The following ZNF655 variants were observed in gnomAD, a reference collection of about 807,000 sequenced individuals.
The protein encoded by ZNF655 is Vav-interacting Kruppel-like protein 1.
Under a neutral mutation model 6.6 loss-of-function variants are expected in ZNF655, and 3 were observed. The observed-to-expected ratio is 0.46, with a 90% CI of 0.21 to 1.18. The LOEUF is 1.18. Among genes scored for constraint, ZNF655 ranks in the 50% most tolerant of loss-of-function variants. ZNF655 has a pLI of 0.24. For synonymous variants in ZNF655, 178 were observed against 195.0 expected (o/e 0.91, Z 0.73); for missense variants, 526 against 572.3 (o/e 0.92, Z 0.83).
At chr7:99,562,209 G>C (rs1803241545) in intron 2 of ZNF655, 2 of 907,324 alleles carry the variant, frequency 2.2e-6, no homozygotes, top group African/African-American at 3.4e-5. Flanking sequence ...GTGCTTATTA[G>C]ATGTTTAAGG....
intron 2 of ZNF655, chr7:99,571,407 C>T (rs1804059818): frequency 8.1e-7 from 1 of 1,229,056 alleles, no homozygotes; most frequent in Non-Finnish European, 1.0e-6. Flanking sequence ...ATAATGATAA[C>T]TTCTGTGAAG....
chr7:99,567,209 G>A (rs1481117850), intron 2 of ZNF655, among the ~76,000 whole-genome samples: 2 of 152,130 alleles, frequency 1.3e-5, no homozygotes, highest in African/African-American at 4.8e-5. Context: ...AATTTTAAAC[G>A]GAAAAAATGT....
At chr7:99,562,841 C>A (rs1803310859) in intron 2 of ZNF655, among the ~76,000 whole-genome samples, 1 of 152,152 alleles carries the variant, frequency 6.6e-6, no homozygotes, top group African/African-American at 2.4e-5. Flanking sequence ...GGCCTCCCAA[C>A]CTCCAACCAG....
intron 1 of ZNF655, among the ~76,000 whole-genome samples, chr7:99,560,284 A>G (rs1584238813): frequency 1.3e-5 from 2 of 151,850 alleles, no homozygotes; most frequent in African/African-American, 4.8e-5. Flanking sequence ...AAGTTGCACC[A>G]TGTTGATCAG....
intron 2 of ZNF655, chr7:99,564,465 C>G (rs1174554409): frequency 1.0e-6 from 1 of 1,000,122 alleles, no homozygotes. Context: ...AAGGTCCTAC[C>G]TTCCTACCCT....
At chr7:99,565,073 A>G (rs1803519088) in intron 2 of ZNF655, among the ~76,000 whole-genome samples, 1 of 152,210 alleles carries the variant, frequency 6.6e-6, no homozygotes, top group Non-Finnish European at 1.5e-5. Flanking sequence ...CCGCTGCTCA[A>G]GGTCATCGCC....
chr7:99,567,792 T>C (rs1054254122), intron 2 of ZNF655, among the ~76,000 whole-genome samples: 1 of 152,182 alleles, frequency 6.6e-6, no homozygotes, highest in South Asian at 2.1e-4. Flanking sequence ...TCGGGTGCGG[T>C]GGCTCACGCC....
Position 99,575,958 on chromosome 7 carries a change from T to C in ZNF655, c.*2374T>C, listed in dbSNP as rs1233871770. ...CTTTAGGTAATGTCAAAACATTTTG[T>C]ATTTTTCCATCTTAAGCTTTATAAC... On this transcript the variant is annotated 3_prime_UTR_variant, in exon 3 of 3. Coordinates refer to ENST00000252713, the MANE Select transcript of ZNF655 (RefSeq NM_138494.3). 3 of 152,256 alleles carry C rather than the reference T, an allele frequency of 2.0e-5. No homozygotes were observed. Among genetic ancestry groups the C allele is most frequent in the East Asian group, 1.9e-4 (1 of 5,206 alleles). 9.4% of individuals were successfully genotyped at this position (152,256 alleles called of 1,614,324 possible).
intron 2 of ZNF655, among the ~76,000 whole-genome samples, chr7:99,564,872 C>G (rs375832154): frequency 6.6e-6 from 1 of 152,292 alleles, no homozygotes; most frequent in Non-Finnish European, 1.5e-5. Flanking sequence ...GAGACACGCA[C>G]AGTGCAAGAA....
Position 99,573,367 on chromosome 7 carries a change from C to T in ZNF655, c.1259C>T (p.Thr420Ile), listed in dbSNP as rs1014879379. The T allele has an allele frequency of 1.2e-6, 2 of 1,614,030 alleles. No homozygotes were observed. The highest frequency in any genetic ancestry group is 2.7e-5 in the African/African-American group (2 of 74,928). The change falls in exon 3 of 3, where the codon ACC becomes ATC. Residue 420 changes from threonine to isoleucine, a missense_variant. Coordinates refer to ENST00000252713, the MANE Select transcript of ZNF655 (RefSeq NM_138494.3). ...CNECGKAFSQ[T>I]SCLIQHHKMH... ...GAATGTGGAAAAGCTTTCAGTCAAACCTCATGCCTTATTCAGCATCACAAA... is the reference window on the plus strand; with the variant it reads ...GAATGTGGAAAAGCTTTCAGTCAAATCTCATGCCTTATTCAGCATCACAAA...
chr7:99,559,914 C>T (rs905612467), intron 1 of ZNF655, among the ~76,000 whole-genome samples: 1 of 151,538 alleles, frequency 6.6e-6, no homozygotes, highest in Non-Finnish European at 1.5e-5. Context: ...AGGCTTGAGC[C>T]ACCGCACGTG....
At chr7:99,563,898 A>G in intron 2 of ZNF655, 1 of 1,612,984 alleles carries the variant, frequency 6.2e-7, no homozygotes, top group African/African-American at 1.3e-5. Flanking sequence ...CCGGATTCAT[A>G]GTGTGAATTC....
At chr7:99,570,956 C>A in intron 2 of ZNF655, 1 of 165,862 alleles carries the variant, frequency 6.0e-6, no homozygotes, top group Admixed American at 6.3e-5. Flanking sequence ...CATAGAAAGA[C>A]TGTTTTATGT....
intron 2 of ZNF655, among the ~76,000 whole-genome samples, chr7:99,569,966 CT>C (rs1803911594): frequency 6.6e-6 from 1 of 152,132 alleles, no homozygotes; most frequent in African/African-American, 2.4e-5. Flanking sequence ...TTCTCCCACC[CT>C]TTCCCTTCTT....
chr7:99,572,924 A>ATCTGATAAATCCTGTGAAGCG lies in ZNF655; in HGVS notation c.832_852dup (p.Glu278_Cys284dup). On this transcript the variant is annotated inframe_insertion, in exon 3 of 3. Coordinates refer to ENST00000252713, the MANE Select transcript of ZNF655 (RefSeq NM_138494.3). ...GAGAAAAACCTTACAAATGTGAAGC[A>ATCTGATAAATCCTGTGAAGCG]TCTGATAAATCCTGTGAAGCGTCTG... 1 of 1,614,170 alleles carries ATCTGATAAATCCTGTGAAGCG rather than the reference A, an allele frequency of 6.2e-7. No homozygotes were observed. The highest frequency in any genetic ancestry group is 1.1e-5 in the South Asian group (1 of 91,080).
At chr7:99,569,186 T>A (rs1237840490) in intron 2 of ZNF655, among the ~76,000 whole-genome samples, 1 of 152,216 alleles carries the variant, frequency 6.6e-6, no homozygotes, top group African/African-American at 2.4e-5. Context: ...TGTATTTACC[T>A]TTTACTTCAC....
chr7:99,559,689 G>A (rs886351817), intron 1 of ZNF655, among the ~76,000 whole-genome samples: 1 of 152,002 alleles, frequency 6.6e-6, no homozygotes, highest in South Asian at 2.1e-4. Context: ...ATGCAGTGGC[G>A]CAGTCATAGC....
chr7:99,564,808 T>G, intron 2 of ZNF655: 2 of 629,814 alleles, frequency 3.2e-6, no homozygotes, highest in Non-Finnish European at 4.0e-6. Context: ...CTCTTATCTC[T>G]GCACTGCACA....
chr7:99,560,755 G>T (rs1562931149), intron 2 of ZNF655, 60 bp downstream of exon 2: 16 of 1,585,080 alleles, frequency 1.0e-5, no homozygotes, highest in Non-Finnish European at 1.0e-5. Context: ...CTCCCGAGGG[G>T]GCTCCTGGGC....
Sources: gnomAD v4.1 joint callset for allele counts (sites outside exome capture counted in the v4.1 genomes callset) on GRCh38, gnomAD v4.1.1 for gene constraint, MANE v1.5 for transcripts, NCBI Gene and HGNC (gene_info 2026-07-23, HGNC 2026-07-21) for gene names.